Variants in CNTN5 observed in about 807,000 individuals in gnomAD.
CNTN5 encodes contactin-5.
A neutral mutation model predicts 129.1 loss-of-function variants in CNTN5; 77 were observed. The ratio of observed to expected loss-of-function variants is 0.60; its 90% CI spans 0.50 to 0.72. CNTN5 has a LOEUF of 0.72. CNTN5 is among the 30% of genes least tolerant of loss of function. The pLI, the probability that CNTN5 is intolerant of heterozygous loss-of-function variation, is 0.00. For synonymous variants in CNTN5, 509 were observed against 465.6 expected (o/e 1.09, Z -1.20); for missense variants, 1,478 against 1,328.8 (o/e 1.11, Z -1.75).
intron 3 of CNTN5, among the ~76,000 whole-genome samples, chr11:99,580,524 T>A (rs536514655): frequency 6.6e-6 from 1 of 152,310 alleles, no homozygotes; most frequent in African/African-American, 2.4e-5. Context: ...TATTGGTCTA[T>A]TCAGATATTC....
chr11:99,170,113 AT>A (rs1216763229), intron 1 of CNTN5, among the ~76,000 whole-genome samples: 2 of 152,074 alleles, frequency 1.3e-5, no homozygotes, highest in African/African-American at 2.4e-5. Flanking sequence ...ATGTTATTTA[AT>A]TTATCAATAT....
intron 1 of CNTN5, among the ~76,000 whole-genome samples, chr11:99,176,962 A>C (rs1262369840): frequency 6.6e-6 from 1 of 152,086 alleles, no homozygotes; most frequent in Non-Finnish European, 1.5e-5. Flanking sequence ...ACCACATCTT[A>C]TACTTTTATT....
At chr11:99,200,156 T>G (rs979474300) in intron 1 of CNTN5, among the ~76,000 whole-genome samples, 8 of 152,130 alleles carry the variant, frequency 5.3e-5, no homozygotes, top group African/African-American at 1.9e-4. Context: ...TGGGCAAAGA[T>G]TTTTTCTATA....
intron 8 of CNTN5, among the ~76,000 whole-genome samples, chr11:99,987,591 G>T (rs2137393950): frequency 6.6e-6 from 1 of 151,324 alleles, no homozygotes; most frequent in South Asian, 2.1e-4. Flanking sequence ...AGAGGAAAGA[G>T]ATTAACTTGG....
At chr11:100,181,279 A>G (rs1318127812) in intron 13 of CNTN5, among the ~76,000 whole-genome samples, 1 of 148,330 alleles carries the variant, frequency 6.7e-6, no homozygotes, top group East Asian at 2.0e-4. Context: ...CCAGGCAGGA[A>G]AGTAAACTGA....
intron 9 of CNTN5, among the ~76,000 whole-genome samples, chr11:100,042,266 A>G (rs548573234): frequency 9.2e-5 from 14 of 152,178 alleles, no homozygotes; most frequent in Non-Finnish European, 1.6e-4. Flanking sequence ...AAAGGAAAAA[A>G]AAAGCCTTTG....
At chr11:100,050,503 T>A (rs1042919670) in intron 9 of CNTN5, among the ~76,000 whole-genome samples, 1 of 151,880 alleles carries the variant, frequency 6.6e-6, no homozygotes, top group Non-Finnish European at 1.5e-5. Flanking sequence ...GAGGGATAGC[T>A]TTAGGAGATA....
At chr11:99,673,646 T>C (rs1480974891) in intron 3 of CNTN5, among the ~76,000 whole-genome samples, 1 of 152,088 alleles carries the variant, frequency 6.6e-6, no homozygotes, top group Non-Finnish European at 1.5e-5. Context: ...CCTCTATATG[T>C]CCATGTGTTC....
At chr11:99,923,875 C>T (rs1224928566) in intron 7 of CNTN5, among the ~76,000 whole-genome samples, 6 of 152,064 alleles carry the variant, frequency 3.9e-5, no homozygotes, top group African/African-American at 1.4e-4. Flanking sequence ...GCAACCTCCA[C>T]CTCCTGGCTT....
chr11:100,054,378 C>T (rs1943112696), intron 9 of CNTN5, among the ~76,000 whole-genome samples: 1 of 151,562 alleles, frequency 6.6e-6, no homozygotes, highest in South Asian at 2.1e-4. Context: ...ATTTTGCATT[C>T]TTTCTATTTT....
chr11:99,602,961 C>T (rs1342743409), intron 3 of CNTN5, among the ~76,000 whole-genome samples: 2 of 93,268 alleles, frequency 2.1e-5, no homozygotes, highest in Non-Finnish European at 4.3e-5. Context: ...TCACCATCAT[C>T]AAAGACCAAA....
intron 1 of CNTN5, among the ~76,000 whole-genome samples, chr11:99,103,537 G>T (rs1338014471): frequency 6.6e-6 from 1 of 152,058 alleles, no homozygotes; most frequent in Non-Finnish European, 1.5e-5. Flanking sequence ...GAGATTTATA[G>T]CATGGATTCA....
At chr11:99,172,027 A>G (rs1861171810) in intron 1 of CNTN5, among the ~76,000 whole-genome samples, 1 of 152,236 alleles carries the variant, frequency 6.6e-6, no homozygotes, top group East Asian at 1.9e-4. Flanking sequence ...CATAACCATT[A>G]TATAAATTCA....
chr11:99,460,258 T>C (rs1003939545), intron 2 of CNTN5, among the ~76,000 whole-genome samples: 1 of 151,520 alleles, frequency 6.6e-6, no homozygotes, highest in African/African-American at 2.4e-5. Context: ...TTTAAAGAAA[T>C]ATTTAAGAAA....
At chr11:100,018,451 C>A (rs1409371745) in intron 9 of CNTN5, among the ~76,000 whole-genome samples, 5 of 151,784 alleles carry the variant, frequency 3.3e-5, no homozygotes, top group African/African-American at 1.2e-4. Flanking sequence ...TGCCTTTTTT[C>A]ATTTAGAATT....
In CNTN5 at chr11:99,542,735, C is replaced by T. The variant is rs1948159134; in HGVS notation, c.-70-13410C>T. Among the ~76,000 whole-genome samples the T allele has an allele frequency of 2.0e-5, 3 of 152,136 alleles. 1 individual carries two copies. Among genetic ancestry groups the T allele is most frequent in the Admixed American group, 1.3e-4 (2 of 15,272 alleles). ...CTTTGTACATCCAGAGCCAAGATTGCCTATTAGAGGCATCTCTCATTAGGC... is the reference window on the plus strand; with the variant it reads ...CTTTGTACATCCAGAGCCAAGATTGTCTATTAGAGGCATCTCTCATTAGGC... On this transcript the variant is annotated intron_variant, in intron 2 of 24. Transcript: ENST00000524871.
At chr11:100,100,332 A>G (rs1227179598) in intron 13 of CNTN5, among the ~76,000 whole-genome samples, 1 of 152,006 alleles carries the variant, frequency 6.6e-6, no homozygotes, top group Non-Finnish European at 1.5e-5. Context: ...GCACTTCATG[A>G]TTCATTGTTT....
Position 100,322,261 on chromosome 11 carries a change from C to T in CNTN5, c.2730+13793C>T, listed in dbSNP as rs559658570. On this transcript the variant is annotated intron_variant, in intron 21 of 24. Transcript: ENST00000524871. ...TTTTTTAGACGGAGTCTCGCTCTGT[C>T]GCCCAGGCTGGAGTGCAGTGGCGCG... Among the ~76,000 whole-genome samples, 56 of 151,454 alleles carry T rather than the reference C, an allele frequency of 3.7e-4. No individual in the cohort carries two copies. In the Middle Eastern group the frequency reaches 0.014, roughly 37 times the overall value.
At chr11:100,105,708 G>T (rs951119540) in intron 13 of CNTN5, among the ~76,000 whole-genome samples, 2 of 151,972 alleles carry the variant, frequency 1.3e-5, no homozygotes, top group African/African-American at 4.8e-5. Flanking sequence ...ACTCTCCAAG[G>T]TCTCATCGTT....
Sources: gnomAD v4.1 joint callset for allele counts (sites outside exome capture counted in the v4.1 genomes callset) on GRCh38, gnomAD v4.1.1 for gene constraint, MANE v1.5 for transcripts, NCBI Gene and HGNC (gene_info 2026-07-23, HGNC 2026-07-21) for gene names.